The following FRMD6 variants were observed in gnomAD, a reference collection of about 807,000 sequenced individuals.
The protein encoded by FRMD6 is FERM domain containing 6, also known as FERM domain-containing protein 6.
FRMD6 carries 37 observed loss-of-function variants against 73.2 expected under a neutral mutation model. The observed-to-expected ratio is 0.51, with a 90% CI of 0.39 to 0.66. The LOEUF is 0.66. Among genes scored for constraint, FRMD6 ranks in the 30% least tolerant of loss-of-function variants. The pLI is 0.00. For synonymous variants in FRMD6, 273 were observed against 282.2 expected (o/e 0.97, Z 0.33); for missense variants, 714 against 780.5 (o/e 0.91, Z 1.02).
chr14:51,603,058 A>T (rs1021846136), intron 2 of FRMD6, among the ~76,000 whole-genome samples: 2 of 152,228 alleles, frequency 1.3e-5, no homozygotes, highest in African/African-American at 4.8e-5. Context: ...CTGAGCCCTC[A>T]TGAATGAGAT....
At chr14:51,458,749 CA>C in the FRMD6 span, among the ~76,000 whole-genome samples, 1 of 152,200 alleles carries the variant, frequency 6.6e-6, no homozygotes, top group Non-Finnish European at 1.5e-5. Flanking sequence ...CAGTCATTTC[CA>C]GTATGACCAA....
At chr14:51,555,802 CAAA>C (rs796732938) in intron 1 of FRMD6, among the ~76,000 whole-genome samples, 13 of 88,540 alleles carry the variant, frequency 1.5e-4, no homozygotes, top group Admixed American at 2.2e-4. Flanking sequence ...AATTCTGACT[CAAA>C]AAAAAAAAAA....
At chr14:51,520,321 C>T (rs565600050) in intron 1 of FRMD6, among the ~76,000 whole-genome samples, 109 of 152,310 alleles carry the variant, frequency 7.2e-4, no homozygotes, top group African/African-American at 2.4e-3. Flanking sequence ...GAGCAACTTG[C>T]ATTCTCACAC....
At chr14:51,627,787 C>T (rs1351447494) in intron 2 of FRMD6, among the ~76,000 whole-genome samples, 2 of 152,214 alleles carry the variant, frequency 1.3e-5, no homozygotes, top group Admixed American at 6.5e-5. Context: ...AAAGTTGGAG[C>T]ACTGGGGATG....
the FRMD6 span, among the ~76,000 whole-genome samples, chr14:51,418,599 G>A: frequency 6.6e-6 from 1 of 152,220 alleles, no homozygotes; most frequent in South Asian, 2.1e-4. Context: ...GGCCCCTACT[G>A]GGAGGTCTCT....
chr14:51,415,480 G>A, the FRMD6 span, among the ~76,000 whole-genome samples: 1 of 152,194 alleles, frequency 6.6e-6, no homozygotes, highest in African/African-American at 2.4e-5. Flanking sequence ...TGTTGAACCA[G>A]CCTTGCATCC....
At chr14:51,434,638 T>G in the FRMD6 span, among the ~76,000 whole-genome samples, 1 of 152,150 alleles carries the variant, frequency 6.6e-6, no homozygotes, top group Non-Finnish European at 1.5e-5. Context: ...AAATAAAAAT[T>G]ATTCTTAGGC....
chr14:51,441,852 A>G, the FRMD6 span, among the ~76,000 whole-genome samples: 1 of 152,224 alleles, frequency 6.6e-6, no homozygotes, highest in African/African-American at 2.4e-5. Context: ...AAATTACTGT[A>G]AATATGCAGT....
chr14:51,659,329 G>A (rs1020087569), intron 1 of FRMD6, among the ~76,000 whole-genome samples: 1 of 152,356 alleles, frequency 6.6e-6, no homozygotes, highest in Admixed American at 6.5e-5. Context: ...CTTACGTGAT[G>A]TTAGCTATTG....
At chr14:51,711,629 A>G (rs1566587591) in intron 8 of FRMD6, 33 bp downstream of exon 8, 2 of 1,480,370 alleles carry the variant, frequency 1.4e-6, no homozygotes, top group South Asian at 1.1e-5. Flanking sequence ...AAATGCTGTC[A>G]GCCATGTCTT....
At position 51,728,088 on chromosome 14, in the gene FRMD6, A is replaced by G; in HGVS notation, c.*59A>G. 2.7e-6 allele frequency: 4 copies of G among 1,496,526 alleles called. No individual in the cohort carries two copies. The East Asian group carries it at 6.9e-5, about 26-fold the overall frequency. 92.7% of individuals were successfully genotyped at this position (1,496,526 alleles called of 1,614,324 possible). ...CTGTTTGCTAGAGGATGCGAAAGTC[A>G]TAAGTTCTTTACATATTACTTGTGC... On this transcript the variant is annotated 3_prime_UTR_variant, in exon 14 of 14. Transcript: ENST00000344768.
the FRMD6 span, among the ~76,000 whole-genome samples, chr14:51,453,582 G>T: frequency 6.6e-6 from 1 of 152,196 alleles, no homozygotes; most frequent in Non-Finnish European, 1.5e-5. Flanking sequence ...GTGACTGACT[G>T]CATGCTATTT....
chr14:51,475,670 A>G, the FRMD6 span, among the ~76,000 whole-genome samples: 1 of 152,240 alleles, frequency 6.6e-6, no homozygotes, highest in Non-Finnish European at 1.5e-5. Flanking sequence ...GTTTACCTGT[A>G]TATTCTAGCT....
At chr14:51,595,369 G>A (rs1020345195) in intron 2 of FRMD6, among the ~76,000 whole-genome samples, 1 of 152,126 alleles carries the variant, frequency 6.6e-6, no homozygotes, top group Non-Finnish European at 1.5e-5. Context: ...AAACACTTTA[G>A]CATTTCCTTA....
In FRMD6 at chr14:51,687,663, G is replaced by A. The variant is rs569921199; in HGVS notation, c.-146-2028G>A. Among the ~76,000 whole-genome samples, 22 of 152,258 alleles carry A rather than the reference G, an allele frequency of 1.4e-4. 1 individual carries two copies. The South Asian group carries it at 4.1e-3, about 29-fold the overall frequency. On this transcript the variant is annotated intron_variant, in intron 1 of 13. Transcript: ENST00000344768. The stretch of plus-strand genomic sequence containing the variant: ...CTTTAACACTTTCTGATTTCTAAGA[G>A]AGGACATATATAGGGTACAGTACTT...
At chr14:51,650,833 G>A (rs1476649563), upstream of FRMD6, 1 of 152,306 alleles carries the variant, frequency 6.6e-6, no homozygotes, top group African/African-American at 2.4e-5. Flanking sequence ...GCTCAGTGAG[G>A]GCGTTTTTGC....
chr14:51,722,443 C>G (rs1359565379), intron 12 of FRMD6, among the ~76,000 whole-genome samples: 1 of 152,150 alleles, frequency 6.6e-6, no homozygotes, highest in Non-Finnish European at 1.5e-5. Flanking sequence ...ACCTATAGTT[C>G]AAAGAGGACA....
At chr14:51,674,435 G>A (rs1894240827) in intron 1 of FRMD6, among the ~76,000 whole-genome samples, 1 of 152,110 alleles carries the variant, frequency 6.6e-6, no homozygotes, top group African/African-American at 2.4e-5. Flanking sequence ...CAGTGGTCCT[G>A]CCATGCCTGC....
chr14:51,432,538 C>T, the FRMD6 span, among the ~76,000 whole-genome samples: 18 of 152,250 alleles, frequency 1.2e-4, no homozygotes, highest in African/African-American at 4.3e-4. Context: ...AGGACCAATG[C>T]CTGACACTCA....
Sources: gnomAD v4.1 joint callset for allele counts (sites outside exome capture counted in the v4.1 genomes callset) on GRCh38, gnomAD v4.1.1 for gene constraint, MANE v1.5 for transcripts, NCBI Gene and HGNC (gene_info 2026-07-23, HGNC 2026-07-21) for gene names.